The following TNR variants were observed in gnomAD, a reference collection of about 807,000 sequenced individuals.
The protein encoded by TNR is tenascin R, also known as tenascin-R.
TNR carries 45 observed loss-of-function variants against 150.4 expected under a neutral mutation model. The ratio of observed to expected loss-of-function variants is 0.30; its 90% CI spans 0.24 to 0.38. The LOEUF (loss-of-function observed/expected upper bound fraction) is 0.38, where lower values mean the gene tolerates loss of function less well. Among genes scored for constraint, TNR ranks in the 10% least tolerant of loss-of-function variants. TNR has a pLI of 1.00. For synonymous variants in TNR, 687 were observed against 678.4 expected, an observed-to-expected ratio of 1.01 and a Z score of -0.20; for missense variants, 1,544 against 1,759.1, an observed-to-expected ratio of 0.88 and a Z score of 2.19.
At position 175,513,687 on chromosome 1, in the gene TNR, G is replaced by A. The variant is rs528439934; in HGVS notation, c.-64+14582C>T. 8.5e-5 allele frequency among the ~76,000 whole-genome samples: 13 copies of A among 152,300 alleles called. No homozygotes were observed. In the East Asian group the frequency reaches 1.4e-3, roughly 16 times the overall value. On this transcript the variant is annotated intron_variant, in intron 2 of 22. Coordinates refer to ENST00000367674, the MANE Select transcript of TNR (RefSeq NM_003285.3). ...TTTCTTACATTTCTATTTGTTCAGAGCTCTGACAGGGAAGAGGGGTGCTAT... is the reference window on the plus strand; with the variant it reads ...TTTCTTACATTTCTATTTGTTCAGAACTCTGACAGGGAAGAGGGGTGCTAT...
rs369872320 is a variant in TNR, at chr1:175,323,333, G to T, written c.*24C>A. ...ATACAAACAAATGACAGAAAATATT[G>T]GTTGGCTTGCAGCCGCCCACTGCTC... On this transcript the variant is annotated 3_prime_UTR_variant, in exon 23 of 23. Transcript: ENST00000367674. 7 of 1,609,030 alleles carry T rather than the reference G, an allele frequency of 4.4e-6. No homozygotes were observed. The highest frequency in any genetic ancestry group is 5.9e-6 in the Non-Finnish European group (7 of 1,178,168).
intron 1 of TNR, among the ~76,000 whole-genome samples, chr1:175,529,290 G>A (rs1180403053): frequency 6.6e-6 from 1 of 152,212 alleles, no homozygotes; most frequent in Non-Finnish European, 1.5e-5. Flanking sequence ...TCTGAGAGAG[G>A]AAGAAGCAAG....
intron 18 of TNR, among the ~76,000 whole-genome samples, chr1:175,344,746 G>A (rs1416289547): frequency 1.3e-5 from 2 of 152,108 alleles, no homozygotes; most frequent in Non-Finnish European, 2.9e-5. Flanking sequence ...CCAGGCCTAG[G>A]TATCTTCACT....
chr1:175,670,779 T>G (rs1571735431), intron 1 of TNR, among the ~76,000 whole-genome samples: 1 of 151,144 alleles, frequency 6.6e-6, no homozygotes, highest in Admixed American at 6.6e-5. Context: ...TACGGGAGGG[T>G]CGGATGGACC....
intron 4 of TNR, among the ~76,000 whole-genome samples, chr1:175,401,941 G>C (rs1368784312): frequency 6.6e-6 from 1 of 152,218 alleles, no homozygotes; most frequent in Non-Finnish European, 1.5e-5. Flanking sequence ...ACAAATGTAT[G>C]AGCAGTAGTC....
At chr1:175,377,461 T>A (rs1374025156) in intron 9 of TNR, among the ~76,000 whole-genome samples, 2 of 11,718 alleles carry the variant, frequency 1.7e-4, no homozygotes, top group Admixed American at 7.7e-4. Flanking sequence ...ATTTCAGGGT[T>A]TTTTTTTTTT....
chr1:175,532,877 C>T (rs959140693), intron 1 of TNR, among the ~76,000 whole-genome samples: 6 of 152,084 alleles, frequency 3.9e-5, no homozygotes, highest in Non-Finnish European at 7.4e-5. Context: ...CGAGAGTGAA[C>T]AATCTGAGAA....
intron 1 of TNR, among the ~76,000 whole-genome samples, chr1:175,531,404 T>G (rs1660060198): frequency 6.6e-6 from 1 of 152,220 alleles, no homozygotes; most frequent in South Asian, 2.1e-4. Context: ...AAAGGATTAT[T>G]ATCACAGCCA....
chr1:175,709,975 G>A (rs767324945), intron 1 of TNR, among the ~76,000 whole-genome samples: 3 of 152,050 alleles, frequency 2.0e-5, no homozygotes, highest in African/African-American at 4.8e-5. Context: ...GCAAGGCTTC[G>A]AAGCCACGTT....
chr1:175,399,821 G>A (rs968606883), intron 4 of TNR, among the ~76,000 whole-genome samples: 1 of 152,166 alleles, frequency 6.6e-6, no homozygotes, highest in Non-Finnish European at 1.5e-5. Context: ...ATGCCATGCT[G>A]TTTCCTCTTT....
At chr1:175,459,318 C>G (rs981416086) in intron 2 of TNR, among the ~76,000 whole-genome samples, 1 of 152,186 alleles carries the variant, frequency 6.6e-6, no homozygotes, top group Admixed American at 6.5e-5. Flanking sequence ...TCATCATTAC[C>G]TCCAAGATTA....
At chr1:175,371,725 G>A (rs1244968868) in intron 9 of TNR, among the ~76,000 whole-genome samples, 1 of 152,076 alleles carries the variant, frequency 6.6e-6, no homozygotes, top group Non-Finnish European at 1.5e-5. Flanking sequence ...GAGCAAACAG[G>A]GGCTCCAAGA....
chr1:175,451,649 G>A (rs1656326900), intron 2 of TNR, among the ~76,000 whole-genome samples: 2 of 152,228 alleles, frequency 1.3e-5, no homozygotes, highest in Non-Finnish European at 2.9e-5. Context: ...CCTGCTGAAA[G>A]TAGTGCGGCG....
At chr1:175,333,210 CATG>C (rs1164021631) in intron 20 of TNR, 3 of 152,104 alleles carry the variant, frequency 2.0e-5, no homozygotes, top group African/African-American at 7.2e-5. Flanking sequence ...ATTTATGGCA[CATG>C]ATAACTAGCT....
At chr1:175,405,095 G>T (rs535557608) in intron 3 of TNR, among the ~76,000 whole-genome samples, 1 of 152,172 alleles carries the variant, frequency 6.6e-6, no homozygotes, top group Non-Finnish European at 1.5e-5. Context: ...GGATCCTATA[G>T]AGGTGAGTGC....
intron 1 of TNR, among the ~76,000 whole-genome samples, chr1:175,535,690 A>C (rs1461457678): frequency 6.7e-6 from 1 of 149,506 alleles, no homozygotes; most frequent in Non-Finnish European, 1.5e-5. Flanking sequence ...TGTATTTCTT[A>C]ACTTTGGTAT....
chr1:175,596,847 G>T (rs1359004501), intron 1 of TNR, among the ~76,000 whole-genome samples: 1 of 152,160 alleles, frequency 6.6e-6, no homozygotes, highest in Non-Finnish European at 1.5e-5. Context: ...AGCAGACAAA[G>T]TGTGCTTATT....
chr1:175,559,990 G>A (rs1661358400), intron 1 of TNR, among the ~76,000 whole-genome samples: 1 of 152,130 alleles, frequency 6.6e-6, no homozygotes, highest in Non-Finnish European at 1.5e-5. Flanking sequence ...CTTTTGTCCT[G>A]GGCAGACTAC....
intron 1 of TNR, among the ~76,000 whole-genome samples, chr1:175,720,245 T>TTGCTCTCTTG (rs1667262516): frequency 2.6e-5 from 4 of 152,280 alleles, no homozygotes; most frequent in African/African-American, 9.6e-5. Context: ...CAGAGCTCAC[T>TTGCTCTCTTG]TGCTCTCTTG....
Sources: allele counts gnomAD v4.1 joint callset (sites outside exome capture counted in the v4.1 genomes callset), GRCh38; gene constraint gnomAD v4.1.1; transcripts MANE v1.5; gene names NCBI Gene and HGNC (gene_info 2026-07-23, HGNC 2026-07-21).